The following CLINT1 variants were observed in gnomAD, a reference collection of about 807,000 sequenced individuals.
CLINT1 encodes the protein clathrin interacting protein localized in the trans-Golgi region.
A neutral mutation model predicts 70.4 loss-of-function variants in CLINT1; 15 were observed. The ratio of observed to expected loss-of-function variants is 0.21; its 90% CI spans 0.14 to 0.33. CLINT1 has a LOEUF of 0.33. Ranked by LOEUF, CLINT1 falls within the 10% of genes least tolerant of loss-of-function variation. The pLI is 1.00. For missense variants in CLINT1, 615 were observed against 778.1 expected (o/e 0.79, Z 2.49); for synonymous variants, 227 against 254.7 (o/e 0.89, Z 1.04).
chr5:157,813,074 C>G lies in CLINT1; in HGVS notation c.506G>C (p.Gly169Ala). The change falls in exon 5 of 12, where the codon GGA (glycine) becomes GCA (alanine). Residue 169 changes from glycine to alanine, a missense_variant. Gly to Ala is a moderately conservative substitution (Grantham distance 60). This residue lies in a region of CLINT1 where 241 missense variants were observed against 368.6 expected (regional missense o/e 0.65). Transcript: ENST00000411809. Reference sequence around the variant, plus strand: ...TCTTTGATACTCACTGTATCTGAATCCTCCAACACTGTCTGAGGAAACCCC... The same window carrying G: ...TCTTTGATACTCACTGTATCTGAATGCTCCAACACTGTCTGAGGAAACCCC... ...YVGVSSDSVG[G>A]FRYSERYDPE... The G allele has an allele frequency of 6.2e-7, 1 of 1,613,476 alleles. No homozygotes were observed. The highest frequency in any genetic ancestry group is 8.5e-7 in the Non-Finnish European group (1 of 1,179,614).
intron 1 of CLINT1, 80 bp from the exon 2 acceptor site, chr5:157,817,627 C>T: frequency 6.6e-6 from 6 of 906,784 alleles, no homozygotes; most frequent in Non-Finnish European, 1.0e-5. Flanking sequence ...TTAATAATGA[C>T]ACTACTGGGT....
At chr5:157,808,150 T>C (rs1447653622) in intron 6 of CLINT1, among the ~76,000 whole-genome samples, 3 of 152,118 alleles carry the variant, frequency 2.0e-5, no homozygotes, top group Non-Finnish European at 4.4e-5. Flanking sequence ...TACAGAGCTG[T>C]TTCCCTCATT....
chr5:157,851,974 C>A (rs1753592758), intron 1 of CLINT1, among the ~76,000 whole-genome samples: 3 of 152,176 alleles, frequency 2.0e-5, no homozygotes, highest in Admixed American at 6.5e-5. Context: ...AGCCCTTTCT[C>A]CAATGTGCTT....
intron 4 of CLINT1, among the ~76,000 whole-genome samples, 172 bp downstream of exon 4, chr5:157,814,013 T>A (rs560374385): frequency 2.0e-5 from 3 of 152,306 alleles, no homozygotes; most frequent in Non-Finnish European, 4.4e-5. Context: ...TTCTGCAAGT[T>A]CTTGTCTTCA....
intron 1 of CLINT1, among the ~76,000 whole-genome samples, chr5:157,827,255 C>A (rs1027818328): frequency 6.6e-6 from 1 of 152,048 alleles, no homozygotes; most frequent in African/African-American, 2.4e-5. Context: ...TAGTTTCAAA[C>A]GACAATCTGT....
intron 1 of CLINT1, among the ~76,000 whole-genome samples, chr5:157,849,495 T>C (rs1361940353): frequency 7.9e-5 from 12 of 152,272 alleles, no homozygotes; most frequent in Non-Finnish European, 1.0e-4. Flanking sequence ...TTTATTCCAA[T>C]ATTCACTTTA....
intron 4 of CLINT1, among the ~76,000 whole-genome samples, chr5:157,813,802 T>G (rs1290921382): frequency 6.6e-6 from 1 of 152,218 alleles, no homozygotes; most frequent in Non-Finnish European, 1.5e-5. Context: ...TTGCTGCCTT[T>G]GCACAGTAAA....
intron 1 of CLINT1, among the ~76,000 whole-genome samples, chr5:157,841,632 C>T (rs1159249378): frequency 6.6e-6 from 1 of 151,450 alleles, no homozygotes. Context: ...CATTTTTTTT[C>T]GGGTTTTTTG....
Position 157,839,729 on chromosome 5 carries a change from A to C in CLINT1, c.41+19201T>G, listed in dbSNP as rs1158088742. ...TCCTAATTACAACAAAAATCTATCT[A>C]TCTATCTATCTATCTATCTATCTAT... On this transcript the variant is annotated intron_variant, in intron 1 of 11. Coordinates refer to ENST00000411809, the MANE Select transcript of CLINT1 (RefSeq NM_014666.4). Among the ~76,000 whole-genome samples, 3 of 75,064 alleles carry C rather than the reference A, an allele frequency of 4.0e-5. No homozygotes were observed. The Admixed American group carries it at 5.2e-4, about 13-fold the overall frequency. 49.2% of individuals were successfully genotyped at this position (75,064 alleles called of 152,430 possible).
intron 1 of CLINT1, among the ~76,000 whole-genome samples, chr5:157,846,419 G>A (rs541416341): frequency 1.3e-5 from 2 of 152,276 alleles, no homozygotes; most frequent in African/African-American, 4.8e-5. Context: ...CCAGAGCAAG[G>A]CCCTAACTCT....
At position 157,789,357 on chromosome 5, in the gene CLINT1, A is replaced by G; in HGVS notation, c.1531+6T>C. 1 of 1,613,586 alleles carries G rather than the reference A, an allele frequency of 6.2e-7. No individual in the cohort carries two copies. The highest frequency in any genetic ancestry group is 1.1e-5 in the South Asian group (1 of 91,072). ...CAAAGAAGTGGGACGTCTTAAGGTAACTTACTCTGTTGCTGAATCATTGTA... is the reference window on the plus strand; with the variant it reads ...CAAAGAAGTGGGACGTCTTAAGGTAGCTTACTCTGTTGCTGAATCATTGTA... On this transcript the variant is annotated splice_donor_region_variant and intron_variant, in intron 11 of 11. Coordinates refer to ENST00000411809, the MANE Select transcript of CLINT1 (RefSeq NM_014666.4).
intron 6 of CLINT1, among the ~76,000 whole-genome samples, chr5:157,808,812 T>G (rs1338075125): frequency 1.3e-5 from 2 of 152,134 alleles, no homozygotes; most frequent in African/African-American, 4.8e-5. Context: ...CATAATGAAA[T>G]GTCAAGGAAG....
At chr5:157,822,157 G>A (rs770840172) in intron 1 of CLINT1, among the ~76,000 whole-genome samples, 4 of 151,864 alleles carry the variant, frequency 2.6e-5, no homozygotes, top group African/African-American at 4.8e-5. Context: ...TCATGAGGGC[G>A]GTTTCCCTCA....
chr5:157,850,266 C>G (rs1008706961), intron 1 of CLINT1, among the ~76,000 whole-genome samples: 1 of 152,112 alleles, frequency 6.6e-6, no homozygotes, highest in Admixed American at 6.5e-5. Context: ...TAGTGAGAAA[C>G]AGGCCATCCT....
At chr5:157,851,740 T>G (rs1397641784) in intron 1 of CLINT1, among the ~76,000 whole-genome samples, 2 of 152,002 alleles carry the variant, frequency 1.3e-5, no homozygotes, top group African/African-American at 4.8e-5. Flanking sequence ...AACTAGACTC[T>G]TCTTAAATGA....
At chr5:157,806,209 T>C (rs769935729) in intron 6 of CLINT1, 97 bp from the exon 7 acceptor site, 35 of 1,251,152 alleles carry the variant, frequency 2.8e-5, no homozygotes, top group Non-Finnish European at 3.5e-5. Flanking sequence ...ATACAGTAAC[T>C]CCAAAATTTC....
chr5:157,804,905 C>G (rs1762340885), intron 7 of CLINT1, among the ~76,000 whole-genome samples: 1 of 151,024 alleles, frequency 6.6e-6, no homozygotes, highest in African/African-American at 2.4e-5. Context: ...CTAGCCTGGG[C>G]AACAAGAGCG....
In CLINT1 at chr5:157,785,801, T is replaced by C. The variant is rs767334336; in HGVS notation, c.*1845A>G. 2 of 152,142 alleles carry C rather than the reference T, an allele frequency of 1.3e-5. No homozygotes were observed. Among genetic ancestry groups the C allele is most frequent in the African/African-American group, 2.4e-5 (1 of 41,458 alleles). The allele number at this position is 152,142 out of a possible 1,614,324, so 9.4% of individuals were successfully genotyped here. A position where few individuals can be genotyped will look rare whatever the true frequency, so the allele number is the denominator to read the frequency against. On this transcript the variant is annotated 3_prime_UTR_variant, in exon 12 of 12. Transcript: ENST00000411809. ...CCATACATATTTGAGAAAGTGAAGA[T>C]ATACTTCTTAAAGAAAAAATTTACT...
intron 8 of CLINT1, among the ~76,000 whole-genome samples, chr5:157,801,375 C>T (rs1265978362): frequency 1.3e-5 from 2 of 151,924 alleles, no homozygotes; most frequent in Middle Eastern, 3.4e-3. Context: ...GGCGTGGTGG[C>T]GCATGCCTGA....
Sources: gnomAD v4.1 joint callset for allele counts (sites outside exome capture counted in the v4.1 genomes callset) on GRCh38, gnomAD v4.1.1 for gene constraint, gnomAD v4.1.1 regional missense constraint, MANE v1.5 for transcripts, NCBI Gene and HGNC (gene_info 2026-07-23, HGNC 2026-07-21) for gene names.